Variants in RSRC1 observed in about 807,000 individuals in gnomAD.
RSRC1 encodes the protein serine/Arginine-related protein 53.
In RSRC1, 39 loss-of-function variants were observed where a neutral mutation model predicts 49.1. That is an observed-to-expected ratio of 0.79 (90% CI 0.61 to 1.04). RSRC1 has a LOEUF of 1.04. Among genes scored for constraint, RSRC1 ranks in the 50% least tolerant of loss-of-function variants. RSRC1 has a pLI of 0.00. For missense variants in RSRC1, 388 were observed against 402.4 expected (o/e 0.96, Z 0.31); for synonymous variants, 143 against 130.8 (o/e 1.09, Z -0.63).
chr3:158,112,252 C>T (rs1714468137), intron 1 of RSRC1, among the ~76,000 whole-genome samples: 1 of 152,230 alleles, frequency 6.6e-6, no homozygotes, highest in Admixed American at 6.5e-5. Context: ...CCATTCATTG[C>T]ACCTTACTGG....
At chr3:158,528,387 A>G (rs73020745) in intron 7 of RSRC1, among the ~76,000 whole-genome samples, 38 of 152,022 alleles carry the variant, frequency 2.5e-4, no homozygotes, top group African/African-American at 8.0e-4. Context: ...ATTAGCGGGG[A>G]AAAATCTCCT....
chr3:158,513,893 A>G (rs1212783875), intron 7 of RSRC1, among the ~76,000 whole-genome samples: 1 of 152,132 alleles, frequency 6.6e-6, no homozygotes, highest in Admixed American at 6.5e-5. Context: ...TAGATTTTCT[A>G]GTTTATTTGC....
chr3:158,155,294 A>G (rs1198496970), intron 3 of RSRC1, among the ~76,000 whole-genome samples: 1 of 152,212 alleles, frequency 6.6e-6, no homozygotes, highest in Non-Finnish European at 1.5e-5. Flanking sequence ...AAATAGTAAC[A>G]CTTGAAAGTC....
chr3:158,373,292 C>A (rs999461970), intron 6 of RSRC1, among the ~76,000 whole-genome samples: 1 of 151,804 alleles, frequency 6.6e-6, no homozygotes, highest in African/African-American at 2.4e-5. Context: ...GAGTGGATAT[C>A]CTTCATTTAT....
chr3:158,452,123 T>C (rs1031981770), intron 6 of RSRC1, among the ~76,000 whole-genome samples: 1 of 152,130 alleles, frequency 6.6e-6, no homozygotes, highest in African/African-American at 2.4e-5. Flanking sequence ...TTGATTACTG[T>C]TTGCTTCCAG....
rs935829162 is a variant in RSRC1, at chr3:158,239,378, A to G, written c.494+36133A>G. Among the ~76,000 whole-genome samples the G allele has an allele frequency of 5.9e-5, 9 of 152,232 alleles. No homozygotes were observed. The South Asian group carries it at 6.2e-4, about 10-fold the overall frequency. On this transcript the variant is annotated intron_variant, in intron 4 of 9. Transcript: ENST00000611884. The stretch of plus-strand genomic sequence containing the variant: ...TTACTGGGTGTATACCCAAAGGATT[A>G]TAAATCATGCTACTATAAAGACCCA...
At position 158,358,927 on chromosome 3, in the gene RSRC1, T is replaced by TAC. The variant is rs71777898; in HGVS notation, c.583+4043_583+4044dup. 3.3e-3 allele frequency among the ~76,000 whole-genome samples: 424 copies of TAC among 129,036 alleles called. 1 individual carries two copies. The highest frequency in any genetic ancestry group is 0.013 in the South Asian group (46 of 3,594). 84.7% of individuals were successfully genotyped at this position (129,036 alleles called of 152,430 possible). ...GTATATATATATATACACACAAACA[T>TAC]ACACACACACACACACACACACACA... On this transcript the variant is annotated intron_variant, in intron 6 of 9. Transcript: ENST00000611884.
At chr3:158,501,865 A>G (rs1739616839) in intron 7 of RSRC1, among the ~76,000 whole-genome samples, 1 of 152,134 alleles carries the variant, frequency 6.6e-6, no homozygotes, top group African/African-American at 2.4e-5. Flanking sequence ...TAGTATTGAG[A>G]TGTGAGGTAC....
chr3:158,234,374 A>G lies in RSRC1; in HGVS notation c.494+31129A>G, dbSNP rs539494030. On this transcript the variant is annotated intron_variant, in intron 4 of 9. Transcript: ENST00000611884. ...CACCTTGTGATAGCAATGATTATGT[A>G]AATTTTGTAGTGATATTTTAGGTCT... 3.9e-5 allele frequency among the ~76,000 whole-genome samples: 6 copies of G among 152,310 alleles called. No homozygotes were observed. The South Asian group carries it at 1.0e-3, about 26-fold the overall frequency.
At chr3:158,194,399 T>A (rs905689435) in intron 3 of RSRC1, among the ~76,000 whole-genome samples, 113 of 151,928 alleles carry the variant, frequency 7.4e-4, no homozygotes, top group African/African-American at 2.7e-3. Context: ...TGAATAATTA[T>A]TTGCTTTTAT....
intron 7 of RSRC1, among the ~76,000 whole-genome samples, chr3:158,487,102 TTTC>T (rs1210848012): frequency 1.3e-5 from 2 of 152,316 alleles, no homozygotes; most frequent in East Asian, 3.9e-4. Flanking sequence ...GTTCTTAAAG[TTTC>T]TCAGCTGATT....
chr3:158,404,863 T>C (rs889833610), intron 6 of RSRC1, among the ~76,000 whole-genome samples: 2 of 152,006 alleles, frequency 1.3e-5, no homozygotes, highest in African/African-American at 4.8e-5. Flanking sequence ...TAATGAATAC[T>C]TACCTTAAAA....
At chr3:158,424,396 T>A in intron 6 of RSRC1, among the ~76,000 whole-genome samples, 1 of 151,992 alleles carries the variant, frequency 6.6e-6, no homozygotes, top group South Asian at 2.1e-4. Flanking sequence ...GATTTGCATA[T>A]GTTGAACCAG....
chr3:158,472,524 A>G (rs7649463), intron 7 of RSRC1, among the ~76,000 whole-genome samples: 79,008 of 151,886 alleles, frequency 0.52, 21,105 homozygotes, highest in African/African-American at 0.64. Flanking sequence ...CCCACTAATG[A>G]GTCATAATGC....
intron 3 of RSRC1, among the ~76,000 whole-genome samples, chr3:158,168,178 T>C (rs1323335613): frequency 6.6e-6 from 1 of 152,178 alleles, no homozygotes; most frequent in African/African-American, 2.4e-5. Flanking sequence ...CATCCCCCGC[T>C]CTCCACTGCA....
intron 3 of RSRC1, among the ~76,000 whole-genome samples, chr3:158,187,385 A>G (rs183548199): frequency 2.0e-5 from 3 of 152,180 alleles, no homozygotes; most frequent in Admixed American, 2.0e-4. Flanking sequence ...ATTTTAGAGC[A>G]TTAACTATTA....
chr3:158,303,201 TTTCTC>T (rs1222445860), intron 5 of RSRC1: 1 of 152,246 alleles, frequency 6.6e-6, no homozygotes, highest in East Asian at 1.9e-4. Flanking sequence ...ATGCTATCCT[TTTCTC>T]TTGGGAGAAG....
chr3:158,247,549 G>A (rs565020700), intron 4 of RSRC1, among the ~76,000 whole-genome samples: 2 of 152,190 alleles, frequency 1.3e-5, no homozygotes, highest in Admixed American at 6.5e-5. Context: ...GATTTTTGAG[G>A]TTGCTGACCT....
At chr3:158,516,492 C>G (rs1435123997) in intron 7 of RSRC1, among the ~76,000 whole-genome samples, 1 of 152,164 alleles carries the variant, frequency 6.6e-6, no homozygotes, top group Non-Finnish European at 1.5e-5. Context: ...AACCACTGCT[C>G]TCTTCAAAGC....
Sources: gnomAD v4.1 joint callset for allele counts (sites outside exome capture counted in the v4.1 genomes callset) on GRCh38, gnomAD v4.1.1 for gene constraint, MANE v1.5 for transcripts, NCBI Gene and HGNC (gene_info 2026-07-23, HGNC 2026-07-21) for gene names.